FMN2: variants seen among roughly 807,000 people sequenced by gnomAD.
FMN2 encodes formin-2.
A neutral mutation model predicts 142.3 loss-of-function variants in FMN2; 51 were observed. That is an observed-to-expected ratio of 0.36 (90% confidence interval 0.29 to 0.45). FMN2 has a LOEUF of 0.45. FMN2 is among the 20% of genes least tolerant of loss of function. The probability of loss-of-function intolerance (pLI) is 1.00; values close to 1 mark genes in which losing one functional copy is unlikely to be tolerated. For missense variants in FMN2, 1,936 were observed against 2,122.8 expected, an observed-to-expected ratio of 0.91 and a Z score of 1.73; for synonymous variants, 882 against 869.8, an observed-to-expected ratio of 1.01 and a Z score of -0.25.
intron 7 of FMN2, among the ~76,000 whole-genome samples, chr1:240,269,152 C>G (rs1342895131): frequency 6.6e-6 from 1 of 151,942 alleles, no homozygotes; most frequent in Non-Finnish European, 1.5e-5. Flanking sequence ...CCTTTCCTAA[C>G]CCCTGTGTTT....
At chr1:240,433,396 T>G (rs1675247066) in intron 15 of FMN2, among the ~76,000 whole-genome samples, 1 of 152,244 alleles carries the variant, frequency 6.6e-6, no homozygotes, top group Admixed American at 6.5e-5. Flanking sequence ...TTTCTAACTT[T>G]AGTGCTCTAG....
intron 4 of FMN2, among the ~76,000 whole-genome samples, chr1:240,205,559 T>C (rs1666311288): frequency 6.6e-6 from 1 of 150,630 alleles, no homozygotes; most frequent in African/African-American, 2.5e-5. Context: ...CCTCCCAGGT[T>C]CATGCCATTC....
chr1:240,127,370 C>CTT (rs113677551), intron 2 of FMN2, among the ~76,000 whole-genome samples: 116 of 139,938 alleles, frequency 8.3e-4, no homozygotes, highest in African/African-American at 2.9e-3. Context: ...CCATACCTGG[C>CTT]TTTTTTTTTT....
In FMN2 at chr1:240,361,185, A is replaced by AATTT. The variant is rs1558452742; in HGVS notation, c.4858+5278_4858+5279insTTTA. ...TATATATATATATATATATATATAT[A>AATTT]AAAGAGTTTAAAGAAGGAAAAAAAC... is the stretch of plus-strand genomic sequence containing the variant. On this transcript the variant is annotated intron_variant, in intron 14 of 17. Transcript: ENST00000319653. Among the ~76,000 whole-genome samples, 13 of 106,698 alleles carry AATTT rather than the reference A, an allele frequency of 1.2e-4. No individual in the cohort carries two copies. The East Asian group carries it at 2.6e-3, about 22-fold the overall frequency. 70.0% of individuals were successfully genotyped at this position (106,698 alleles called of 152,430 possible).
intron 3 of FMN2, among the ~76,000 whole-genome samples, chr1:240,184,008 G>A (rs1342454880): frequency 6.6e-6 from 1 of 152,004 alleles, no homozygotes; most frequent in East Asian, 1.9e-4. Context: ...ATATTTTAAA[G>A]GGAGGTTTAT....
chr1:240,221,488 A>T (rs1262174025), intron 6 of FMN2, among the ~76,000 whole-genome samples: 1 of 151,980 alleles, frequency 6.6e-6, no homozygotes, highest in African/African-American at 2.4e-5. Flanking sequence ...GCTTTTTTTC[A>T]TATGTTTATT....
chr1:240,321,000 T>C (rs924710728), intron 8 of FMN2, among the ~76,000 whole-genome samples: 4 of 152,192 alleles, frequency 2.6e-5, no homozygotes, highest in African/African-American at 9.6e-5. Flanking sequence ...GCAATAAAAA[T>C]GATCTATTCT....
At chr1:240,312,842 C>T (rs754132798) in intron 8 of FMN2, among the ~76,000 whole-genome samples, 12 of 152,152 alleles carry the variant, frequency 7.9e-5, no homozygotes, top group Non-Finnish European at 1.3e-4. Context: ...ATGCACTTCT[C>T]GAACTGATCA....
intron 14 of FMN2, among the ~76,000 whole-genome samples, chr1:240,390,885 C>T (rs906718912): frequency 1.3e-5 from 2 of 152,200 alleles, no homozygotes; most frequent in Admixed American, 1.3e-4. Flanking sequence ...CTGCCTGAAT[C>T]TCTGTACTTT....
chr1:240,208,628 T>G lies in FMN2; in HGVS notation c.3816T>G (p.Phe1272Leu). 1 of 1,613,910 alleles carries G rather than the reference T, an allele frequency of 6.2e-7. No homozygotes were observed. The highest frequency in any genetic ancestry group is 8.5e-7 in the Non-Finnish European group (1 of 1,180,022). The change falls in exon 5 of 18, where the codon TTT becomes TTG. Residue 1272 changes from phenylalanine (F) to leucine (L), a missense_variant. Transcript: ENST00000319653. ...FLPPPLPSGL[F>L]GLGMNQDKGS... ...CTCCTCCATTGCCAAGTGGCTTGTT[T>G]GGATTAGGGATGAATCAGGACAAAG... is the stretch of plus-strand genomic sequence containing the variant.
At chr1:240,245,766 C>T (rs1668059946) in intron 6 of FMN2, among the ~76,000 whole-genome samples, 1 of 152,124 alleles carries the variant, frequency 6.6e-6, no homozygotes, top group South Asian at 2.1e-4. Flanking sequence ...GCCTGTGTTC[C>T]ATCAGGTTGT....
intron 1 of FMN2, among the ~76,000 whole-genome samples, chr1:240,108,455 A>C (rs1661692980): frequency 1.3e-5 from 2 of 152,158 alleles, no homozygotes; most frequent in South Asian, 4.1e-4. Flanking sequence ...CTCTGTATTC[A>C]GTGACATCAT....
At chr1:240,098,577 CTTA>C (rs563991964) in intron 1 of FMN2, among the ~76,000 whole-genome samples, 2 of 152,090 alleles carry the variant, frequency 1.3e-5, no homozygotes, top group African/African-American at 2.4e-5. Context: ...TATAAAATGT[CTTA>C]TTATAAAAGG....
chr1:240,184,527 T>G (rs537128124), intron 3 of FMN2, among the ~76,000 whole-genome samples: 7 of 151,450 alleles, frequency 4.6e-5, no homozygotes, highest in South Asian at 4.2e-4. Context: ...GTTTTTTTTT[T>G]TTTTTTTTTT....
chr1:240,116,838 T>G (rs1662043488), intron 1 of FMN2, among the ~76,000 whole-genome samples: 1 of 152,070 alleles, frequency 6.6e-6, no homozygotes, highest in South Asian at 2.1e-4. Flanking sequence ...GGAAATCAAA[T>G]TAGAGCAGAC....
chr1:240,119,197 C>T (rs548966227), intron 1 of FMN2, among the ~76,000 whole-genome samples: 7 of 151,970 alleles, frequency 4.6e-5, no homozygotes, highest in South Asian at 4.2e-4. Context: ...GGTGTGGTGG[C>T]GCATGCCTGT....
In FMN2 at chr1:240,438,171, ACTT is replaced by A; in HGVS notation, c.5024_5026del (p.Phe1675del). 1 of 1,614,062 alleles carries A rather than the reference ACTT, an allele frequency of 6.2e-7. No homozygotes were observed. Among genetic ancestry groups the A allele is most frequent in the Non-Finnish European group, 8.5e-7 (1 of 1,179,970 alleles). On this transcript the variant is annotated inframe_deletion, in exon 16 of 18. Coordinates refer to ENST00000319653, the MANE Select transcript of FMN2 (RefSeq NM_020066.5). Reference sequence around the variant, plus strand: ...CATGAATTCAGCTCTGACTTTAAAGACTTCTGGAAGAAAGAGAACAAACTTCTT... The same window carrying A: ...CATGAATTCAGCTCTGACTTTAAAGACTGGAAGAAAGAGAACAAACTTCTT...
chr1:240,159,678 A>G (rs1664178583), intron 2 of FMN2, among the ~76,000 whole-genome samples: 2 of 152,012 alleles, frequency 1.3e-5, no homozygotes, highest in Non-Finnish European at 2.9e-5. Context: ...AACCTATTCT[A>G]TTTAACCTAA....
chr1:240,443,842 G>T (rs888844741), intron 16 of FMN2, among the ~76,000 whole-genome samples: 2 of 152,052 alleles, frequency 1.3e-5, no homozygotes, highest in Non-Finnish European at 2.9e-5. Context: ...TCTCCCTAAG[G>T]TCTCACAGAG....
Sources: gnomAD v4.1 joint callset for allele counts (sites outside exome capture counted in the v4.1 genomes callset) on GRCh38, gnomAD v4.1.1 for gene constraint, MANE v1.5 for transcripts, NCBI Gene and HGNC (gene_info 2026-07-23, HGNC 2026-07-21) for gene names.